CRYL1: variants seen among roughly 807,000 people sequenced by gnomAD.
CRYL1 encodes lambda-crystallin homolog.
CRYL1 carries 29 observed loss-of-function variants against 36.6 expected under a neutral mutation model. The ratio of observed to expected loss-of-function variants is 0.79; its 90% confidence interval spans 0.59 to 1.08. The LOEUF (loss-of-function observed/expected upper bound fraction) is 1.08. CRYL1 is among the 50% of genes least tolerant of loss of function. The pLI is 0.00. For synonymous variants in CRYL1, 152 were observed against 151.5 expected (o/e 1.00, Z -0.02); for missense variants, 411 against 407.9 (o/e 1.01, Z -0.06).
intron 3 of CRYL1, among the ~76,000 whole-genome samples, chr13:20,474,954 C>G (rs1162476813): frequency 1.3e-5 from 2 of 152,152 alleles, no homozygotes; most frequent in Non-Finnish European, 2.9e-5. Context: ...AAGCAAGCTC[C>G]GAACTCTTGG....
chr13:20,501,009 GC>G (rs1046547528), intron 2 of CRYL1, among the ~76,000 whole-genome samples: 1 of 151,718 alleles, frequency 6.6e-6, no homozygotes, highest in African/African-American at 2.4e-5. Flanking sequence ...TTGCTTCCTT[GC>G]CCCCCCCTAG....
Position 20,420,701 on chromosome 13 carries a change from T to TTTTTGTG in CRYL1, c.634-7315_634-7314insCACAAAA. ...CTTTGACTTTTCTTTAAAATAGAGGTTGTGTGTGTGTGTGTGTGTGTGTGT... is the reference window on the plus strand; with the variant it reads ...CTTTGACTTTTCTTTAAAATAGAGGTTTTTGTGTGTGTGTGTGTGTGTGTGTGTGTGT... On this transcript the variant is annotated intron_variant, in intron 5 of 7. Coordinates refer to ENST00000298248, the MANE Select transcript of CRYL1 (RefSeq NM_015974.3). Among the ~76,000 whole-genome samples the TTTTTGTG allele has an allele frequency of 9.1e-4, 20 of 21,874 alleles. 3 individuals are homozygous for TTTTTGTG. The highest frequency in any genetic ancestry group is 1.6e-3 in the African/African-American group (15 of 9,520). 14.4% of individuals were successfully genotyped at this position (21,874 alleles called of 152,430 possible).
chr13:20,517,053 C>T (rs2034012420), intron 1 of CRYL1, among the ~76,000 whole-genome samples: 1 of 152,014 alleles, frequency 6.6e-6, no homozygotes, highest in South Asian at 2.1e-4. Context: ...TGTACTCCAG[C>T]CTCAGACAGA....
intron 2 of CRYL1, among the ~76,000 whole-genome samples, chr13:20,497,577 A>G (rs1391162327): frequency 6.6e-6 from 1 of 150,790 alleles, no homozygotes. Context: ...CACTACACAC[A>G]CCATATATAT....
intron 3 of CRYL1, among the ~76,000 whole-genome samples, chr13:20,441,544 C>T (rs2032351048): frequency 6.6e-6 from 1 of 152,264 alleles, no homozygotes; most frequent in South Asian, 2.1e-4. Context: ...GGTCTCTAAC[C>T]ACCTGACCAA....
At chr13:20,448,906 G>A (rs141745367) in intron 3 of CRYL1, among the ~76,000 whole-genome samples, 1,683 of 152,324 alleles carry the variant, frequency 0.011, 25 homozygotes, top group African/African-American at 0.038. Flanking sequence ...GGTGGCTCAT[G>A]CCTATAATCC....
In CRYL1 at chr13:20,425,880, T is replaced by C. The variant is rs921075982; in HGVS notation, c.633+6222A>G. ...GCCCCAGTACACAGAGGCCCCACTG[T>C]ACAGTCGGCAGGCAGGATACACCCA... is the stretch of plus-strand genomic sequence containing the variant. On this transcript the variant is annotated intron_variant, in intron 5 of 7. Coordinates refer to ENST00000298248, the MANE Select transcript of CRYL1 (RefSeq NM_015974.3). The surrounding 1 kb of genome is among the most constrained non-coding windows in gnomAD (Gnocchi z 4.4). Among the ~76,000 whole-genome samples the C allele has an allele frequency of 1.3e-5, 2 of 152,070 alleles. No individual in the cohort carries two copies. The highest frequency in any genetic ancestry group is 2.9e-5 in the Non-Finnish European group (2 of 68,018).
chr13:20,479,923 G>C (rs2033242580), intron 3 of CRYL1, among the ~76,000 whole-genome samples: 1 of 152,166 alleles, frequency 6.6e-6, no homozygotes, highest in Non-Finnish European at 1.5e-5. Context: ...AGTTCATCAA[G>C]AAGTCATGGA....
At chr13:20,483,706 A>AT (rs917249719) in intron 3 of CRYL1, among the ~76,000 whole-genome samples, 2 of 151,868 alleles carry the variant, frequency 1.3e-5, no homozygotes, top group African/African-American at 4.8e-5. Flanking sequence ...TGCCATGCTA[A>AT]TTTTTTGTAT....
chr13:20,454,980 A>C (rs894003329), intron 3 of CRYL1, among the ~76,000 whole-genome samples: 3 of 152,242 alleles, frequency 2.0e-5, no homozygotes, highest in Non-Finnish European at 4.4e-5. Context: ...AGATATAAAA[A>C]GCATATAGAT....
At chr13:20,496,336 G>A (rs1191967849) in intron 2 of CRYL1, among the ~76,000 whole-genome samples, 1 of 152,190 alleles carries the variant, frequency 6.6e-6, no homozygotes, top group African/African-American at 2.4e-5. Context: ...CCATGTGAAC[G>A]TACTTAATGC....
intron 5 of CRYL1, chr13:20,431,387 T>G (rs1443167560): frequency 5.8e-5 from 57 of 985,288 alleles, no homozygotes; most frequent in Non-Finnish European, 6.7e-5. Context: ...GGCAGAGTCT[T>G]GCCTTCCCCC....
Position 20,427,159 on chromosome 13 carries a change from C to G in CRYL1, c.633+4943G>C, listed in dbSNP as rs567339942. On this transcript the variant is annotated intron_variant, in intron 5 of 7. Coordinates refer to ENST00000298248, the MANE Select transcript of CRYL1 (RefSeq NM_015974.3). ...TATGCTAATGCCTTAAAAATGTAGA[C>G]TTGAAATGACATCCCAGCCAATAAG... 89 of 985,442 alleles carry G rather than the reference C, an allele frequency of 9.0e-5. 1 individual carries two copies. Among genetic ancestry groups the G allele is most frequent in the Admixed American group, 2.5e-4 (4 of 16,286 alleles). 61.0% of individuals were successfully genotyped at this position (985,442 alleles called of 1,614,324 possible).
chr13:20,444,771 C>T (rs1438461121), intron 3 of CRYL1, among the ~76,000 whole-genome samples: 1 of 152,220 alleles, frequency 6.6e-6, no homozygotes, highest in Non-Finnish European at 1.5e-5. Flanking sequence ...GGCTGGAGTG[C>T]AGTGGTGCGA....
chr13:20,432,385 T>C (rs914901366), intron 4 of CRYL1, 89 bp from the exon 5 acceptor site: 8 of 871,948 alleles, frequency 9.2e-6, no homozygotes, highest in Admixed American at 5.4e-5. Context: ...GAGCAGCAGA[T>C]GCATCTTTGG....
At chr13:20,511,929 A>G (rs375192394) in intron 2 of CRYL1, among the ~76,000 whole-genome samples, 1 of 152,254 alleles carries the variant, frequency 6.6e-6, no homozygotes, top group East Asian at 1.9e-4. Flanking sequence ...CCGCTGTCAC[A>G]GTTAATAATA....
rs1565981054 is a variant in CRYL1, at chr13:20,489,403, G to A, written c.243C>T (p.Ile81=). ...QLSLISGCPN[I]QEAVEGAMHI... ...GCATGGCACCCTCTACTGCTTCTTG[G>A]ATATTGGGACAACCACTGATGAGTG... Residue 81 remains isoleucine (I), a synonymous_variant, in exon 3 of 8, where the codon ATC becomes ATT. Transcript: ENST00000298248. 6.2e-7 allele frequency: 1 copy of A among 1,613,590 alleles called. No individual in the cohort carries two copies. The highest frequency in any genetic ancestry group is 8.5e-7 in the Non-Finnish European group (1 of 1,180,032).
intron 1 of CRYL1, among the ~76,000 whole-genome samples, chr13:20,524,042 G>A (rs1379288793): frequency 1.3e-5 from 2 of 152,138 alleles, no homozygotes. Context: ...CTTGCACCCA[G>A]GAGTTCAAGA....
intron 2 of CRYL1, among the ~76,000 whole-genome samples, chr13:20,511,709 C>T (rs982043467): frequency 6.6e-6 from 1 of 152,224 alleles, no homozygotes; most frequent in Non-Finnish European, 1.5e-5. Context: ...TCCGTGACGG[C>T]ACCGCAGGGG....
Sources: gnomAD v4.1 joint callset for allele counts (sites outside exome capture counted in the v4.1 genomes callset) on GRCh38, gnomAD v4.1.1 for gene constraint, Gnocchi (gnomAD v3.1) non-coding constraint, MANE v1.5 for transcripts, NCBI Gene and HGNC (gene_info 2026-07-23, HGNC 2026-07-21) for gene names.